Variants in SOX5 observed in about 807,000 individuals in gnomAD.
SOX5 encodes transcription factor SOX-5.
In SOX5, 9 loss-of-function variants were observed where a neutral mutation model predicts 92.0. That is an observed-to-expected ratio of 0.10 (90% CI 0.06 to 0.17). The LOEUF is 0.17. Among genes scored for constraint, SOX5 ranks in the 10% least tolerant of loss-of-function variants. SOX5 has a pLI of 1.00. For synonymous variants in SOX5, 344 were observed against 336.3 expected (o/e 1.02, Z -0.25); for missense variants, 642 against 944.5 (o/e 0.68, Z 4.20).
At chr12:23,931,404 A>T (rs188910042) in intron 1 of SOX5, among the ~76,000 whole-genome samples, 1 of 151,834 alleles carries the variant, frequency 6.6e-6, no homozygotes, top group Non-Finnish European at 1.5e-5. Flanking sequence ...TATAGCCAAG[A>T]TCTGAATAGA....
intron 8 of SOX5, among the ~76,000 whole-genome samples, chr12:23,629,978 A>C (rs1218138760): frequency 6.6e-6 from 1 of 151,982 alleles, no homozygotes; most frequent in East Asian, 1.9e-4. Flanking sequence ...TCAAGAAATA[A>C]TTTTGCTGTA....
At chr12:23,960,889 G>C (rs940459418) in intron 4 of SOX5, among the ~76,000 whole-genome samples, 1 of 151,914 alleles carries the variant, frequency 6.6e-6, no homozygotes, top group Non-Finnish European at 1.5e-5. Context: ...GGACAGATAG[G>C]GGACAGGTGT....
chr12:24,142,367 T>C (rs777023028), intron 4 of SOX5, among the ~76,000 whole-genome samples: 2 of 152,106 alleles, frequency 1.3e-5, no homozygotes, highest in African/African-American at 2.4e-5. Context: ...TGAAGGAAAG[T>C]GTATACTTCA....
chr12:23,676,892 T>C (rs1226239046), intron 6 of SOX5, among the ~76,000 whole-genome samples: 2 of 152,078 alleles, frequency 1.3e-5, no homozygotes, highest in Non-Finnish European at 2.9e-5. Context: ...ATGGCTAAGC[T>C]GCCTGAAGAG....
intron 1 of SOX5, among the ~76,000 whole-genome samples, chr12:24,492,483 T>C (rs1051348439): frequency 6.6e-6 from 1 of 152,120 alleles, no homozygotes; most frequent in Non-Finnish European, 1.5e-5. Context: ...GAGGGTAAGG[T>C]TCTAGACAAT....
intron 4 of SOX5, among the ~76,000 whole-genome samples, chr12:24,041,913 T>G (rs1215552678): frequency 1.3e-4 from 20 of 152,126 alleles, no homozygotes; most frequent in Non-Finnish European, 1.5e-5. Flanking sequence ...TGTAACTTAT[T>G]TTAAACTGAA....
At chr12:23,553,324 G>A (rs1944548322) in intron 11 of SOX5, among the ~76,000 whole-genome samples, 1 of 151,924 alleles carries the variant, frequency 6.6e-6, no homozygotes, top group Non-Finnish European at 1.5e-5. Context: ...TCAACATTAT[G>A]AATTTAGTCC....
chr12:24,173,084 G>A (rs1339230339), intron 4 of SOX5, among the ~76,000 whole-genome samples: 1 of 152,170 alleles, frequency 6.6e-6, no homozygotes, highest in Non-Finnish European at 1.5e-5. Flanking sequence ...CCAAAAGGGT[G>A]GTCCAGAGTA....
intron 1 of SOX5, among the ~76,000 whole-genome samples, chr12:23,916,000 T>C (rs2097411527): frequency 6.6e-6 from 1 of 152,164 alleles, no homozygotes; most frequent in Non-Finnish European, 1.5e-5. Context: ...ATTGATACAG[T>C]GCATTTTGAA....
chr12:23,898,464 C>G (rs146064558), intron 1 of SOX5, among the ~76,000 whole-genome samples: 6 of 152,250 alleles, frequency 3.9e-5, no homozygotes, highest in African/African-American at 1.4e-4. Flanking sequence ...TAAGTTAATA[C>G]AATTCTATGA....
At chr12:24,554,397 G>C (rs977064255) in intron 1 of SOX5, among the ~76,000 whole-genome samples, 3 of 152,132 alleles carry the variant, frequency 2.0e-5, no homozygotes, top group African/African-American at 7.2e-5. Flanking sequence ...AAGTTTGTCA[G>C]TCTTTTTAAG....
intron 4 of SOX5, among the ~76,000 whole-genome samples, chr12:23,958,953 C>T (rs555333657): frequency 2.0e-5 from 3 of 151,724 alleles, no homozygotes; most frequent in Non-Finnish European, 3.0e-5. Context: ...GAAAAGACCC[C>T]ATTAGCATTG....
intron 1 of SOX5, among the ~76,000 whole-genome samples, chr12:24,472,766 A>G (rs1944946237): frequency 6.6e-6 from 1 of 152,076 alleles, no homozygotes; most frequent in Non-Finnish European, 1.5e-5. Context: ...ATACTACCTT[A>G]TGTTAATTAA....
At chr12:23,972,200 G>T (rs868690672) in intron 4 of SOX5, among the ~76,000 whole-genome samples, 1 of 152,118 alleles carries the variant, frequency 6.6e-6, no homozygotes, top group East Asian at 1.9e-4. Flanking sequence ...TGATATCAGC[G>T]TTACTTCAAG....
At chr12:23,898,964 T>C (rs1252082684) in intron 1 of SOX5, among the ~76,000 whole-genome samples, 2 of 152,228 alleles carry the variant, frequency 1.3e-5, no homozygotes, top group African/African-American at 2.4e-5. Flanking sequence ...CATATAGATA[T>C]ATCAATCTGT....
intron 4 of SOX5, among the ~76,000 whole-genome samples, chr12:24,202,430 A>C (rs1042319508): frequency 1.5e-4 from 23 of 152,228 alleles, no homozygotes; most frequent in African/African-American, 5.3e-4. Flanking sequence ...GTTCCCACAA[A>C]TTAACATATT....
chr12:23,898,386 C>T (rs1455627525), intron 1 of SOX5, among the ~76,000 whole-genome samples: 1 of 152,142 alleles, frequency 6.6e-6, no homozygotes, highest in Non-Finnish European at 1.5e-5. Context: ...TGTCTAAAAA[C>T]TCTAGTCTAT....
chr12:24,288,620 TG>T (rs1462224653), intron 2 of SOX5, among the ~76,000 whole-genome samples: 1 of 152,154 alleles, frequency 6.6e-6, no homozygotes, highest in African/African-American at 2.4e-5. Flanking sequence ...GCGATGCAAA[TG>T]GAGAAAGTCA....
intron 1 of SOX5, among the ~76,000 whole-genome samples, chr12:24,385,037 A>AGC (rs1369302792): frequency 6.6e-6 from 1 of 152,156 alleles, no homozygotes; most frequent in African/African-American, 2.4e-5. Context: ...AGAGAGAGAG[A>AGC]CAGACCACAT....
Sources: gnomAD v4.1 joint callset for allele counts (sites outside exome capture counted in the v4.1 genomes callset) on GRCh38, gnomAD v4.1.1 for gene constraint, MANE v1.5 for transcripts, NCBI Gene and HGNC (gene_info 2026-07-23, HGNC 2026-07-21) for gene names.